Variants in UBOX5 observed in about 807,000 individuals in gnomAD.
The protein encoded by UBOX5 is RING finger protein 37.
In UBOX5, 28 loss-of-function variants were observed where a neutral mutation model predicts 39.0. The ratio of observed to expected loss-of-function variants is 0.72; its 90% CI spans 0.53 to 0.98. The LOEUF is 0.98. Ranked by LOEUF, UBOX5 falls within the 50% of genes least tolerant of loss-of-function variation. The pLI is 0.00. For synonymous variants in UBOX5, 283 were observed against 275.5 expected, an observed-to-expected ratio of 1.03 and a Z score of -0.27; for missense variants, 585 against 674.4, an observed-to-expected ratio of 0.87 and a Z score of 1.47.
At chr20:3,139,086 A>G (rs1363291148) in intron 1 of UBOX5, among the ~76,000 whole-genome samples, 1 of 152,242 alleles carries the variant, frequency 6.6e-6, no homozygotes, top group Non-Finnish European at 1.5e-5. Context: ...TAAATTGGGC[A>G]CTTCAGCTTT....
At chr20:3,154,587 G>T (rs75773273) in intron 1 of UBOX5, among the ~76,000 whole-genome samples, 11,320 of 152,222 alleles carry the variant, frequency 0.074, 529 homozygotes, top group Middle Eastern at 0.13. Flanking sequence ...GGAGGTAGAA[G>T]TGGGAAGGTT....
Position 3,122,012 on chromosome 20 carries a change from G to A in UBOX5, c.627C>T (p.Ile209=), listed in dbSNP as rs1187122382. ...KTCSQEVIDS[I]LLVTSENLPQ... is the part of the protein sequence containing the mutation. ...GCAGGTTCTCTGAGGTGACCAGCAG[G>A]ATGCTGTCTATCACTTCCTGGGAGC... Residue 209 remains isoleucine, a synonymous_variant, in exon 3 of 5, where the codon ATC becomes ATT. Coordinates refer to ENST00000217173, the MANE Select transcript of UBOX5 (RefSeq NM_014948.4). 6.2e-7 allele frequency: 1 copy of A among 1,614,202 alleles called. No individual in the cohort carries two copies. Among genetic ancestry groups the A allele is most frequent in the East Asian group, 2.2e-5 (1 of 44,882 alleles).
intron 1 of UBOX5, among the ~76,000 whole-genome samples, chr20:3,129,823 G>A (rs1185292507): frequency 6.6e-6 from 1 of 152,168 alleles, no homozygotes; most frequent in Non-Finnish European, 1.5e-5. Context: ...CTGTTAGAAA[G>A]CTCCGAATAA....
At chr20:3,143,799 CA>C (rs796969676) in intron 1 of UBOX5, among the ~76,000 whole-genome samples, 22 of 147,946 alleles carry the variant, frequency 1.5e-4, no homozygotes, top group African/African-American at 2.5e-4. Flanking sequence ...CTCAAAAAAA[CA>C]AAAAAAAAAT....
intron 1 of UBOX5, among the ~76,000 whole-genome samples, chr20:3,151,253 G>A (rs904055310): frequency 6.6e-6 from 1 of 152,126 alleles, no homozygotes. Flanking sequence ...TCAGATCAAG[G>A]GTGAGCAGAC....
chr20:3,146,205 G>A (rs1220770493), intron 1 of UBOX5, among the ~76,000 whole-genome samples: 1 of 152,072 alleles, frequency 6.6e-6, no homozygotes, highest in African/African-American at 2.4e-5. Flanking sequence ...TCCAGGTGTA[G>A]TGATACGCGC....
At chr20:3,133,805 G>T (rs942193726) in intron 1 of UBOX5, among the ~76,000 whole-genome samples, 2 of 151,750 alleles carry the variant, frequency 1.3e-5, no homozygotes, top group South Asian at 2.1e-4. Context: ...GGAAAGCAGT[G>T]GTGCAATCTC....
At chr20:3,147,537 T>C in intron 1 of UBOX5, 1 of 1,614,188 alleles carries the variant, frequency 6.2e-7, no homozygotes, top group South Asian at 1.1e-5. Context: ...TATAGTTCCT[T>C]AAGGAGGTCA....
At chr20:3,122,716 C>T in intron 2 of UBOX5, 132 bp from the exon 3 acceptor site, 2 of 1,271,494 alleles carry the variant, frequency 1.6e-6, no homozygotes, top group Middle Eastern at 2.8e-4. Flanking sequence ...CAGATCAGGG[C>T]ACCCAAGATC....
At chr20:3,115,661 C>A (rs983431386) in intron 3 of UBOX5, among the ~76,000 whole-genome samples, 195 bp from the exon 4 acceptor site, 2 of 151,950 alleles carry the variant, frequency 1.3e-5, no homozygotes, top group African/African-American at 2.4e-5. Context: ...GCAGTTCCTG[C>A]CCATCCCACC....
chr20:3,130,284 G>A (rs2066419531), intron 1 of UBOX5, among the ~76,000 whole-genome samples: 2 of 150,874 alleles, frequency 1.3e-5, no homozygotes, highest in Non-Finnish European at 2.9e-5. Flanking sequence ...CAAAGAGGGT[G>A]GGGGGCATAA....
intron 1 of UBOX5, among the ~76,000 whole-genome samples, chr20:3,158,457 TTTAC>T (rs1335455828): frequency 1.3e-5 from 2 of 151,678 alleles, no homozygotes; most frequent in Admixed American, 6.6e-5. Context: ...TCAGATTTTA[TTTAC>T]TTATTTATTT....
At chr20:3,130,226 AAAATAAATAAATAAATAAAT>A (rs58208899) in intron 1 of UBOX5, among the ~76,000 whole-genome samples, 57 of 145,512 alleles carry the variant, frequency 3.9e-4, no homozygotes, top group Non-Finnish European at 4.9e-4. Context: ...CCTGTCTCCA[AAAATAAATAAATAAATAAAT>A]AAATAAATAA....
intron 1 of UBOX5, among the ~76,000 whole-genome samples, chr20:3,126,881 C>T (rs895708904): frequency 4.6e-5 from 7 of 151,716 alleles, no homozygotes; most frequent in Admixed American, 3.3e-4. Flanking sequence ...ACTAAAAATA[C>T]AAAAAGCAGT....
intron 4 of UBOX5, chr20:3,111,569 C>G (rs1365670739): frequency 6.6e-6 from 1 of 152,470 alleles, no homozygotes; most frequent in Non-Finnish European, 1.5e-5. Context: ...TAGAGTCCAG[C>G]AGCTTCCAAT....
At chr20:3,146,199 G>C (rs1333415788) in intron 1 of UBOX5, among the ~76,000 whole-genome samples, 1 of 152,004 alleles carries the variant, frequency 6.6e-6, no homozygotes, top group African/African-American at 2.4e-5. Flanking sequence ...AAATTATCCA[G>C]GTGTAGTGAT....
chr20:3,145,421 C>T (rs1482951711), intron 1 of UBOX5, among the ~76,000 whole-genome samples: 1 of 143,658 alleles, frequency 7.0e-6, no homozygotes, highest in Non-Finnish European at 1.5e-5. Flanking sequence ...ACCTGAGTCA[C>T]CACACTTGGC....
chr20:3,153,364 C>A (rs1206520697), intron 1 of UBOX5, among the ~76,000 whole-genome samples: 4 of 152,224 alleles, frequency 2.6e-5, no homozygotes, highest in Non-Finnish European at 5.9e-5. Context: ...TGTGCCAAGG[C>A]TTAGAGCCTT....
At chr20:3,139,475 C>T (rs1450254753) in intron 1 of UBOX5, among the ~76,000 whole-genome samples, 1 of 151,850 alleles carries the variant, frequency 6.6e-6, no homozygotes, top group Non-Finnish European at 1.5e-5. Flanking sequence ...CTGCAACCTC[C>T]CCGTCGTGGG....
Sources: allele counts gnomAD v4.1 joint callset (sites outside exome capture counted in the v4.1 genomes callset), GRCh38; gene constraint gnomAD v4.1.1; transcripts MANE v1.5; gene names NCBI Gene and HGNC (gene_info 2026-07-23, HGNC 2026-07-21).